DLG2: variants seen among roughly 807,000 people sequenced by gnomAD.
DLG2 encodes disks large homolog 2.
In DLG2, 45 loss-of-function variants were observed where a neutral mutation model predicts 132.5. The observed-to-expected ratio is 0.34, with a 90% confidence interval of 0.27 to 0.44. DLG2 has a LOEUF of 0.44. Ranked by LOEUF, DLG2 falls within the 20% of genes least tolerant of loss-of-function variation. The probability of loss-of-function intolerance (pLI) is 1.00; values close to 1 mark genes in which losing one functional copy is unlikely to be tolerated. For synonymous variants in DLG2, 424 were observed against 419.6 expected, an observed-to-expected ratio of 1.01 and a Z score of -0.13; for missense variants, 1,045 against 1,196.9, an observed-to-expected ratio of 0.87 and a Z score of 1.87.
At chr11:85,383,617 C>G (rs1434915020) in intron 3 of DLG2, among the ~76,000 whole-genome samples, 1 of 152,116 alleles carries the variant, frequency 6.6e-6, no homozygotes, top group Non-Finnish European at 1.5e-5. Flanking sequence ...AAGTAGAGTG[C>G]TCAGTTTTCT....
intron 8 of DLG2, among the ~76,000 whole-genome samples, chr11:84,250,794 C>T (rs74629382): frequency 0.048 from 7,306 of 152,272 alleles, 270 homozygotes; most frequent in Non-Finnish European, 0.075. Context: ...ATAGGCTCTA[C>T]CCTCACGAAA....
chr11:84,421,527 C>T (rs1277183951), intron 7 of DLG2, among the ~76,000 whole-genome samples: 1 of 152,126 alleles, frequency 6.6e-6, no homozygotes, highest in Non-Finnish European at 1.5e-5. Context: ...AAAGCGTCTC[C>T]TTGTCTGTAC....
At chr11:83,795,617 G>C (rs1390352163) in intron 17 of DLG2, among the ~76,000 whole-genome samples, 6 of 152,100 alleles carry the variant, frequency 3.9e-5, no homozygotes, top group African/African-American at 1.4e-4. Context: ...ATGTGAAGAT[G>C]AGTGGTTTAC....
At chr11:85,184,333 A>G (rs1376456375) in intron 4 of DLG2, among the ~76,000 whole-genome samples, 5 of 151,602 alleles carry the variant, frequency 3.3e-5, no homozygotes, top group African/African-American at 7.3e-5. Flanking sequence ...ATTTTTTTTT[A>G]TAAAAGAGAT....
At chr11:84,989,808 T>C (rs2056890189) in intron 6 of DLG2, among the ~76,000 whole-genome samples, 1 of 152,122 alleles carries the variant, frequency 6.6e-6, no homozygotes, top group Non-Finnish European at 1.5e-5. Flanking sequence ...AAACCCCTTA[T>C]AGAAATAGAC....
chr11:84,567,223 G>A (rs899252801), intron 6 of DLG2, among the ~76,000 whole-genome samples: 4 of 151,926 alleles, frequency 2.6e-5, no homozygotes, highest in African/African-American at 9.7e-5. Context: ...GGTATTGAAT[G>A]TCTGGTTTAT....
intron 3 of DLG2, among the ~76,000 whole-genome samples, chr11:85,390,104 A>G (rs900846846): frequency 6.6e-6 from 1 of 152,154 alleles, no homozygotes; most frequent in African/African-American, 2.4e-5. Flanking sequence ...GCTGTCTTCA[A>G]GAAACTCACC....
intron 6 of DLG2, among the ~76,000 whole-genome samples, chr11:84,864,311 T>C (rs866353911): frequency 6.6e-6 from 1 of 152,136 alleles, no homozygotes; most frequent in Non-Finnish European, 1.5e-5. Context: ...AGATCTACCA[T>C]ATATGTCCAT....
At chr11:83,990,479 C>T (rs375465768) in intron 11 of DLG2, among the ~76,000 whole-genome samples, 7 of 152,074 alleles carry the variant, frequency 4.6e-5, no homozygotes, top group Admixed American at 4.6e-4. Flanking sequence ...ATGAACGGAT[C>T]GTGGTTCACT....
chr11:84,347,222 G>A (rs1031071914), intron 7 of DLG2, among the ~76,000 whole-genome samples: 3 of 152,084 alleles, frequency 2.0e-5, no homozygotes, highest in African/African-American at 4.8e-5. Context: ...GCATTGGGGT[G>A]GGGGTGAAGG....
intron 7 of DLG2, among the ~76,000 whole-genome samples, chr11:84,283,458 T>C (rs962995154): frequency 2.6e-5 from 4 of 152,230 alleles, no homozygotes; most frequent in African/African-American, 7.2e-5. Flanking sequence ...TATTAGTGTT[T>C]ATGAAATTAA....
intron 3 of DLG2, among the ~76,000 whole-genome samples, chr11:85,365,261 T>G (rs1198390609): frequency 6.6e-6 from 1 of 152,142 alleles, no homozygotes; most frequent in Non-Finnish European, 1.5e-5. Context: ...GCAAAGGGTA[T>G]CCCAGAAAAC....
At chr11:85,461,466 C>T (rs569718231) in intron 3 of DLG2, among the ~76,000 whole-genome samples, 1 of 152,206 alleles carries the variant, frequency 6.6e-6, no homozygotes, top group Non-Finnish European at 1.5e-5. Context: ...CCTGGCTGAT[C>T]TCTACCATAT....
intron 6 of DLG2, among the ~76,000 whole-genome samples, chr11:84,813,329 G>T (rs1205561723): frequency 6.6e-6 from 1 of 151,936 alleles, no homozygotes; most frequent in Non-Finnish European, 1.5e-5. Context: ...CCATTATAAT[G>T]AACCTTCATA....
At chr11:83,736,522 T>C (rs1421245440) in intron 18 of DLG2, among the ~76,000 whole-genome samples, 3 of 152,188 alleles carry the variant, frequency 2.0e-5, no homozygotes, top group African/African-American at 7.2e-5. Context: ...TGACTGACAT[T>C]TGGCTTTATT....
chr11:84,108,215 T>C (rs2093100758), intron 9 of DLG2, among the ~76,000 whole-genome samples: 1 of 152,058 alleles, frequency 6.6e-6, no homozygotes, highest in Non-Finnish European at 1.5e-5. Context: ...GCTGTGGATA[T>C]TGGCAGATTT....
At position 84,844,135 on chromosome 11, in the gene DLG2, G is replaced by GTATA. The variant is rs74200849; in HGVS notation, c.357+267522_357+267525dup. Among the ~76,000 whole-genome samples the GTATA allele has an allele frequency of 8.9e-3, 387 of 43,612 alleles. 5 individuals are homozygous for GTATA. The East Asian group carries it at 0.096, about 11-fold the overall frequency. 28.6% of individuals were successfully genotyped at this position (43,612 alleles called of 152,430 possible). ...TGTGTGTGTGTGTGTGTGTGTGTGT[G>GTATA]TATATATATATATATATATATATAT... On this transcript the variant is annotated intron_variant, in intron 6 of 27. Coordinates refer to ENST00000376104, the MANE Select transcript of DLG2 (RefSeq NM_001142699.3).
intron 7 of DLG2, among the ~76,000 whole-genome samples, chr11:84,513,364 C>T (rs1591295900): frequency 6.6e-6 from 1 of 151,882 alleles, no homozygotes; most frequent in South Asian, 2.1e-4. Flanking sequence ...TCACAAAAGA[C>T]CCAGAATAGC....
intron 6 of DLG2, among the ~76,000 whole-genome samples, chr11:84,773,057 G>GA (rs2069702361): frequency 6.6e-6 from 1 of 151,884 alleles, no homozygotes; most frequent in African/African-American, 2.4e-5. Flanking sequence ...GAATAAAAAA[G>GA]AAAAAGAGTG....
Sources: allele counts gnomAD v4.1 joint callset (sites outside exome capture counted in the v4.1 genomes callset), GRCh38; gene constraint gnomAD v4.1.1; transcripts MANE v1.5; gene names NCBI Gene and HGNC (gene_info 2026-07-23, HGNC 2026-07-21).